Variants in PDE3B observed in about 807,000 individuals in gnomAD.
PDE3B encodes phosphodiesterase 3B.
PDE3B carries 66 observed loss-of-function variants against 116.8 expected under a neutral mutation model. The ratio of observed to expected loss-of-function variants is 0.56; its 90% CI spans 0.46 to 0.69. The LOEUF (loss-of-function observed/expected upper bound fraction) is 0.69. PDE3B is among the 30% of genes least tolerant of loss of function. PDE3B has a pLI of 0.00. For missense variants in PDE3B, 1,384 were observed against 1,368.1 expected, an observed-to-expected ratio of 1.01 and a Z score of -0.18; for synonymous variants, 595 against 533.6, an observed-to-expected ratio of 1.12 and a Z score of -1.59.
intron 1 of PDE3B, among the ~76,000 whole-genome samples, chr11:14,698,594 A>G (rs570688646): frequency 6.6e-6 from 1 of 152,060 alleles, no homozygotes; most frequent in Non-Finnish European, 1.5e-5. Context: ...TCTTGTGTCC[A>G]TATCATGTAT....
At chr11:14,738,083 G>A (rs1261627707) in intron 1 of PDE3B, among the ~76,000 whole-genome samples, 3 of 152,098 alleles carry the variant, frequency 2.0e-5, no homozygotes, top group Non-Finnish European at 4.4e-5. Context: ...AAACATACGT[G>A]TGCATGTGTC....
At chr11:14,880,461 T>A in the PDE3B span, 1 of 1,613,352 alleles carries the variant, frequency 6.2e-7, no homozygotes, top group Non-Finnish European at 8.5e-7. Context: ...ACAAGAAGAC[T>A]GAGGCACTGG....
At chr11:14,815,090 G>C (rs1437431330) in intron 5 of PDE3B, among the ~76,000 whole-genome samples, 1 of 151,462 alleles carries the variant, frequency 6.6e-6, no homozygotes, top group Non-Finnish European at 1.5e-5. Flanking sequence ...TGAGCCCAGA[G>C]TGCACCACTG....
At chr11:14,833,086 G>C (rs117040067) in intron 10 of PDE3B, among the ~76,000 whole-genome samples, 1 of 151,764 alleles carries the variant, frequency 6.6e-6, no homozygotes, top group Non-Finnish European at 1.5e-5. Context: ...CAGGTAGCTG[G>C]GATTACAGGT....
At chr11:14,778,632 CAGAA>C (rs1281749521) in intron 2 of PDE3B, among the ~76,000 whole-genome samples, 1 of 152,204 alleles carries the variant, frequency 6.6e-6, no homozygotes, top group Non-Finnish European at 1.5e-5. Flanking sequence ...AACTAACAAA[CAGAA>C]AGAACATTCA....
intron 1 of PDE3B, among the ~76,000 whole-genome samples, chr11:14,680,109 T>A (rs576845452): frequency 8.9e-4 from 136 of 152,272 alleles, no homozygotes; most frequent in African/African-American, 3.2e-3. Context: ...CGTCTGATAC[T>A]CTTAAGACTG....
intron 5 of PDE3B, among the ~76,000 whole-genome samples, chr11:14,809,696 T>C (rs933938812): frequency 1.3e-5 from 2 of 152,104 alleles, no homozygotes; most frequent in Non-Finnish European, 2.9e-5. Flanking sequence ...AGATTAGTGC[T>C]CTTATAAAAG....
At chr11:14,756,925 T>C (rs981325833) in intron 1 of PDE3B, among the ~76,000 whole-genome samples, 4 of 149,186 alleles carry the variant, frequency 2.7e-5, no homozygotes, top group African/African-American at 9.9e-5. Flanking sequence ...TAGCATTAGG[T>C]ATATCTCCCA....
At chr11:14,784,706 A>G (rs551839851) in intron 2 of PDE3B, among the ~76,000 whole-genome samples, 1 of 152,270 alleles carries the variant, frequency 6.6e-6, no homozygotes, top group Non-Finnish European at 1.5e-5. Context: ...AAAAGGATAC[A>G]ATATGAAGAA....
At chr11:14,839,465 G>A (rs1281405406) in intron 11 of PDE3B, among the ~76,000 whole-genome samples, 2 of 152,226 alleles carry the variant, frequency 1.3e-5, no homozygotes, top group African/African-American at 4.8e-5. Context: ...CACAGGATAA[G>A]TAGATCCTGG....
intron 1 of PDE3B, among the ~76,000 whole-genome samples, chr11:14,712,637 G>C (rs1247198252): frequency 2.0e-5 from 3 of 151,902 alleles, no homozygotes; most frequent in Non-Finnish European, 4.4e-5. Context: ...ACCACACCCA[G>C]CTAATTTTTG....
At chr11:14,707,050 G>A (rs1421868695) in intron 1 of PDE3B, among the ~76,000 whole-genome samples, 1 of 151,800 alleles carries the variant, frequency 6.6e-6, no homozygotes, top group African/African-American at 2.4e-5. Context: ...GGAGATACTG[G>A]GGAGGAAAGA....
At chr11:14,847,441 A>T (rs1847634316) in intron 12 of PDE3B, among the ~76,000 whole-genome samples, 1 of 151,464 alleles carries the variant, frequency 6.6e-6, no homozygotes, top group Non-Finnish European at 1.5e-5. Flanking sequence ...CTAGAAAAGC[A>T]AGAGCAAACA....
intron 1 of PDE3B, among the ~76,000 whole-genome samples, chr11:14,676,642 A>G (rs896011306): frequency 2.0e-5 from 3 of 152,104 alleles, no homozygotes; most frequent in Non-Finnish European, 2.9e-5. Flanking sequence ...TAGTTTTCCA[A>G]TTACTTTATA....
intron 1 of PDE3B, among the ~76,000 whole-genome samples, chr11:14,713,122 A>G (rs1590081511): frequency 6.6e-6 from 1 of 152,374 alleles, no homozygotes; most frequent in African/African-American, 2.4e-5. Flanking sequence ...AGGCCAATAC[A>G]TTCTGATAGA....
chr11:14,836,987 G>A (rs1264490387), intron 11 of PDE3B, among the ~76,000 whole-genome samples: 4 of 152,230 alleles, frequency 2.6e-5, no homozygotes, highest in South Asian at 2.1e-4. Context: ...CTAATTTTTC[G>A]TATTTTAGTA....
At chr11:14,803,912 A>T (rs1474808144) in intron 4 of PDE3B, 32 bp from the exon 5 acceptor site, 1 of 1,236,658 alleles carries the variant, frequency 8.1e-7, no homozygotes, top group East Asian at 2.3e-5. Context: ...TCCTGTTTTT[A>T]AAAATTTTAA....
chr11:14,673,565 G>A, intron 1 of PDE3B: 2 of 523,426 alleles, frequency 3.8e-6, no homozygotes, highest in Non-Finnish European at 7.4e-6. Flanking sequence ...CCAAACATAA[G>A]TGAGTGAGAG....
Position 14,869,803 on chromosome 11 carries a change from T to G in PDE3B, c.*143T>G. 1 of 630,656 alleles carries G rather than the reference T, an allele frequency of 1.6e-6. No individual in the cohort carries two copies. Among genetic ancestry groups the G allele is most frequent in the Non-Finnish European group, 2.7e-6 (1 of 372,428 alleles). 39.1% of individuals were successfully genotyped at this position (630,656 alleles called of 1,614,324 possible). ...AGGCCTTAATACTGTGAGAGGATCCTTGCTCTGCTGGCAGTTTCCCACTCC... is the reference window on the plus strand; with the variant it reads ...AGGCCTTAATACTGTGAGAGGATCCGTGCTCTGCTGGCAGTTTCCCACTCC... On this transcript the variant is annotated 3_prime_UTR_variant, in exon 16 of 16. Transcript: ENST00000282096.
Sources: gnomAD v4.1 joint callset for allele counts (sites outside exome capture counted in the v4.1 genomes callset) on GRCh38, gnomAD v4.1.1 for gene constraint, MANE v1.5 for transcripts, NCBI Gene and HGNC (gene_info 2026-07-23, HGNC 2026-07-21) for gene names.